Variants in BLTP1 observed in about 807,000 individuals in gnomAD.
The protein encoded by BLTP1 is fragile site-associated protein.
the BLTP1 span, chr4:122,263,239 C>T: frequency 1.0e-6 from 1 of 984,962 alleles, no homozygotes; most frequent in Non-Finnish European, 1.2e-6. Context: ...TCTAGACCAG[C>T]AACATAGAAT....
the BLTP1 span, among the ~76,000 whole-genome samples, chr4:122,278,966 C>T: frequency 6.6e-6 from 1 of 152,184 alleles, no homozygotes; most frequent in Non-Finnish European, 1.5e-5. Context: ...GGACCACTTC[C>T]ACTTCTTTGT....
At chr4:122,300,136 G>A in the BLTP1 span, among the ~76,000 whole-genome samples, 12 of 152,198 alleles carry the variant, frequency 7.9e-5, no homozygotes, top group South Asian at 2.5e-3. Context: ...AGCCTCTCGA[G>A]TAGCTGGGAT....
At chr4:122,171,956 C>T in the BLTP1 span, 1 of 982,588 alleles carries the variant, frequency 1.0e-6, no homozygotes, top group African/African-American at 1.8e-5. Flanking sequence ...TGTTGCCATT[C>T]TGAAGGACTC....
At chr4:122,356,072 TAATAC>T in the BLTP1 span, 48 of 926,292 alleles carry the variant, frequency 5.2e-5, no homozygotes, top group Middle Eastern at 2.3e-4. Flanking sequence ...GGATTTTTTG[TAATAC>T]TAATATCTAA....
At chr4:122,279,388 T>G in the BLTP1 span, among the ~76,000 whole-genome samples, 1 of 152,336 alleles carries the variant, frequency 6.6e-6, no homozygotes, top group Admixed American at 6.5e-5. Flanking sequence ...TGCTGATTGC[T>G]TTGGGATACT....
At chr4:122,334,165 AC>A in the BLTP1 span, 3 of 210,820 alleles carry the variant, frequency 1.4e-5, no homozygotes, top group Non-Finnish European at 2.5e-5. Context: ...ATCTGAAATG[AC>A]CTTTTTATTT....
the BLTP1 span, chr4:122,254,877 A>T: frequency 6.2e-7 from 1 of 1,613,886 alleles, no homozygotes; most frequent in Non-Finnish European, 8.5e-7. Context: ...AACTCAAGTC[A>T]TCTTTAAACA....
At chr4:122,212,646 C>T in the BLTP1 span, among the ~76,000 whole-genome samples, 1 of 151,728 alleles carries the variant, frequency 6.6e-6, no homozygotes, top group East Asian at 1.9e-4. Flanking sequence ...AATACATATT[C>T]ACCAAAAATA....
chr4:122,305,264 T>C, the BLTP1 span: 1 of 975,960 alleles, frequency 1.0e-6, no homozygotes. Context: ...AAACATTTTT[T>C]ATTTCAAAGT....
At chr4:122,280,114 G>A in the BLTP1 span, 1 of 1,518,326 alleles carries the variant, frequency 6.6e-7, no homozygotes, top group South Asian at 1.3e-5. Flanking sequence ...AGTGGAGCAA[G>A]AGGAGAGTAG....
At chr4:122,254,490 T>A in the BLTP1 span, 2 of 1,309,402 alleles carry the variant, frequency 1.5e-6, no homozygotes, top group Non-Finnish European at 2.0e-6. Context: ...TTACTTCATA[T>A]GTTCTGTAGA....
chr4:122,215,924 G>A, the BLTP1 span, among the ~76,000 whole-genome samples: 1 of 151,592 alleles, frequency 6.6e-6, no homozygotes, highest in Non-Finnish European at 1.5e-5. Flanking sequence ...ACTTATGAGT[G>A]CAAACATATA....
At chr4:122,360,103 TTTAA>T in the BLTP1 span, 2 of 929,590 alleles carry the variant, frequency 2.2e-6, no homozygotes, top group Non-Finnish European at 2.6e-6. Flanking sequence ...AGAAGTCATA[TTTAA>T]TTGTTAAGGA....
chr4:122,305,136 C>T, the BLTP1 span: 1 of 946,320 alleles, frequency 1.1e-6, no homozygotes, highest in Non-Finnish European at 1.3e-6. Flanking sequence ...ACTCATTTAC[C>T]TTGGCATTTC....
the BLTP1 span, chr4:122,210,977 G>T: frequency 1.2e-6 from 2 of 1,612,278 alleles, no homozygotes; most frequent in African/African-American, 2.7e-5. Context: ...ACTTCTTCAC[G>T]CCCACCTATT....
chr4:122,324,421 T>C, the BLTP1 span: 1 of 1,607,922 alleles, frequency 6.2e-7, no homozygotes, highest in African/African-American at 1.3e-5. Flanking sequence ...TCTCCCATTT[T>C]GTTAGGCTGC....
chr4:122,251,380 A>G, the BLTP1 span: 1 of 927,534 alleles, frequency 1.1e-6, no homozygotes, highest in East Asian at 1.2e-4. Flanking sequence ...GAAGTCTAGT[A>G]TGGGTATCTA....
chr4:122,329,312 C>T, the BLTP1 span, among the ~76,000 whole-genome samples: 2 of 151,668 alleles, frequency 1.3e-5, no homozygotes, highest in Non-Finnish European at 3.0e-5. Flanking sequence ...CATCCATATT[C>T]GGCATATGCT....
the BLTP1 span, among the ~76,000 whole-genome samples, chr4:122,356,342 A>G: frequency 6.6e-6 from 1 of 152,202 alleles, no homozygotes; most frequent in Non-Finnish European, 1.5e-5. Flanking sequence ...GGAGGATTTC[A>G]GATTTTTGGA....
Sources: allele counts gnomAD v4.1 joint callset (sites outside exome capture counted in the v4.1 genomes callset), GRCh38; gene constraint gnomAD v4.1.1; transcripts MANE v1.5; gene names NCBI Gene and HGNC (gene_info 2026-07-23, HGNC 2026-07-21).